ANKRD11: variants seen among roughly 807,000 people sequenced by gnomAD.
ANKRD11 encodes the protein ankyrin repeat domain 11, also known as ankyrin repeat domain-containing protein 11.
ANKRD11 carries 17 observed loss-of-function variants against 195.7 expected under a neutral mutation model. That is an observed-to-expected ratio of 0.09 (90% CI 0.06 to 0.13). The LOEUF is 0.13. Ranked by LOEUF, ANKRD11 falls within the 10% of genes least tolerant of loss-of-function variation. The probability of loss-of-function intolerance (pLI) is 1.00; values close to 1 mark genes in which losing one functional copy is unlikely to be tolerated. For missense variants in ANKRD11, 3,735 were observed against 3,566.1 expected (o/e 1.05, Z -1.21); for synonymous variants, 1,953 against 1,528.1 (o/e 1.28, Z -6.49).
chr16:89,289,234 C>A (rs149830259), intron 6 of ANKRD11, among the ~76,000 whole-genome samples: 1 of 152,064 alleles, frequency 6.6e-6, no homozygotes, highest in Non-Finnish European at 1.5e-5. Flanking sequence ...GAGCTCGGCC[C>A]CACGGAAGCA....
At chr16:89,333,635 G>T (rs1339402280) in intron 2 of ANKRD11, among the ~76,000 whole-genome samples, 1 of 152,132 alleles carries the variant, frequency 6.6e-6, no homozygotes, top group Non-Finnish European at 1.5e-5. Context: ...CCTTGGAGAC[G>T]GGCTGCTTTC....
At chr16:89,435,797 C>CACAT (rs1491161847) in intron 1 of ANKRD11, among the ~76,000 whole-genome samples, 1 of 5,168 alleles carries the variant, frequency 1.9e-4, no homozygotes, top group Admixed American at 2.1e-3. Context: ...ACCAGCTCTT[C>CACAT]ACACACACAC....
intron 2 of ANKRD11, among the ~76,000 whole-genome samples, chr16:89,331,612 G>C (rs1034625732): frequency 4.6e-5 from 7 of 152,032 alleles, no homozygotes; most frequent in African/African-American, 1.5e-4. Context: ...AGCGATTCAG[G>C]AGATAGAGAT....
In ANKRD11 at chr16:89,315,642, C is replaced by T. The variant is rs139882390; in HGVS notation, c.87+1291G>A. On this transcript the variant is annotated intron_variant, in intron 3 of 12. Coordinates refer to ENST00000301030, the MANE Select transcript of ANKRD11 (RefSeq NM_013275.6). ...CATGGAACCCACCCAGCCCTGCACACGGCACGAGGAGCTTGGGACAGAGCA... is the reference window on the plus strand; with the variant it reads ...CATGGAACCCACCCAGCCCTGCACATGGCACGAGGAGCTTGGGACAGAGCA... 5.9e-5 allele frequency among the ~76,000 whole-genome samples: 9 copies of T among 152,376 alleles called. No individual in the cohort carries two copies. The East Asian group carries it at 7.7e-4, about 13-fold the overall frequency.
chr16:89,270,744 G>T (rs1028596940), intron 12 of ANKRD11, 73 bp downstream of exon 12: 1 of 1,469,044 alleles, frequency 6.8e-7, no homozygotes, highest in Non-Finnish European at 9.4e-7. Context: ...GCGCAAAGGG[G>T]GTTGTCACCA....
At position 89,301,528 on chromosome 16, in the gene ANKRD11, G is replaced by A. The variant is rs1280392578; in HGVS notation, c.226+3678C>T. On this transcript the variant is annotated intron_variant, in intron 4 of 12. Coordinates refer to ENST00000301030, the MANE Select transcript of ANKRD11 (RefSeq NM_013275.6). ...GGGCAAGCTGGTCTGAGAGGGCTCG[G>A]TGGGCAGAGCTGTCTTGGGGCCGGG... 1.5e-5 allele frequency: 6 copies of A among 398,828 alleles called. No homozygotes were observed. The East Asian group carries it at 2.1e-4, about 14-fold the overall frequency. The allele number at this position is 398,828 out of a possible 1,614,324, so 24.7% of individuals were successfully genotyped here. A position where few individuals can be genotyped will look rare whatever the true frequency, so the allele number is the denominator to read the frequency against.
At chr16:89,434,642 G>A (rs2043138595) in intron 1 of ANKRD11, among the ~76,000 whole-genome samples, 2 of 152,202 alleles carry the variant, frequency 1.3e-5, no homozygotes, top group African/African-American at 4.8e-5. Flanking sequence ...GATGTCTCCT[G>A]AGGTCCAAAA....
At chr16:89,317,215 C>A in intron 2 of ANKRD11, 137 bp from the exon 3 acceptor site, 1 of 699,716 alleles carries the variant, frequency 1.4e-6, no homozygotes. Flanking sequence ...CCGGGCCAGG[C>A]CCAGGAAGGG....
chr16:89,385,021 A>C (rs1175319701), intron 2 of ANKRD11, among the ~76,000 whole-genome samples: 1 of 148,792 alleles, frequency 6.7e-6, no homozygotes, highest in East Asian at 2.0e-4. Flanking sequence ...AAGTAGCTGG[A>C]ACTACAGGCA....
intron 2 of ANKRD11, among the ~76,000 whole-genome samples, chr16:89,359,591 C>T (rs2152054078): frequency 6.6e-6 from 1 of 152,334 alleles, no homozygotes; most frequent in South Asian, 2.1e-4. Flanking sequence ...TGGCTGCTGG[C>T]CGAAACTGTT....
At chr16:89,333,563 G>T (rs1379706043) in intron 2 of ANKRD11, among the ~76,000 whole-genome samples, 1 of 152,198 alleles carries the variant, frequency 6.6e-6, no homozygotes, top group Non-Finnish European at 1.5e-5. Context: ...ACTGATCTTT[G>T]TGCTGTCTGC....
chr16:89,347,065 C>A (rs1186269851), intron 2 of ANKRD11, among the ~76,000 whole-genome samples: 1 of 151,978 alleles, frequency 6.6e-6, no homozygotes, highest in Non-Finnish European at 1.5e-5. Context: ...GAAAGGCCAG[C>A]TAAAGGGGGT....
At chr16:89,381,288 C>T (rs1306016325) in intron 2 of ANKRD11, among the ~76,000 whole-genome samples, 4 of 141,842 alleles carry the variant, frequency 2.8e-5, no homozygotes, top group Non-Finnish European at 4.5e-5. Flanking sequence ...GGCGACAATG[C>T]GCCACTGCAC....
chr16:89,271,122 G>C (rs539329009), intron 11 of ANKRD11: 1 of 610,020 alleles, frequency 1.6e-6, no homozygotes, highest in South Asian at 1.8e-5. Context: ...CGTGGAGGCA[G>C]CTGGGCCTTT....
chr16:89,369,245 C>A (rs924389505), intron 2 of ANKRD11, among the ~76,000 whole-genome samples: 3 of 151,762 alleles, frequency 2.0e-5, no homozygotes, highest in Non-Finnish European at 1.5e-5. Context: ...GGCAGTGCAG[C>A]GACCTACACC....
At position 89,479,228 on chromosome 16, in the gene ANKRD11, C is replaced by T. The variant is rs899233528; in HGVS notation, c.-145+11017G>A. On this transcript the variant is annotated intron_variant, in intron 1 of 12. Transcript: ENST00000301030. ...AACATCACTAGAAAAACATTAATGA[C>T]GGCCAGACGCAGTGGCGAGACTCCA... Among the ~76,000 whole-genome samples, 8 of 151,828 alleles carry T rather than the reference C, an allele frequency of 5.3e-5. No homozygotes were observed. The South Asian group carries it at 6.2e-4, about 12-fold the overall frequency.
intron 1 of ANKRD11, among the ~76,000 whole-genome samples, chr16:89,460,807 G>A (rs2056627501): frequency 1.3e-5 from 2 of 152,160 alleles, no homozygotes; most frequent in African/African-American, 4.8e-5. Flanking sequence ...GAGCTGTGGG[G>A]CAAACTGTTC....
intron 2 of ANKRD11, chr16:89,320,373 A>C (rs1029676669): frequency 9.2e-5 from 14 of 152,212 alleles, no homozygotes; most frequent in Admixed American, 3.9e-4. Context: ...TATCAGGCAA[A>C]GTCTATTTTA....
At chr16:89,417,470 G>A (rs1279925127) in intron 2 of ANKRD11, among the ~76,000 whole-genome samples, 4 of 152,126 alleles carry the variant, frequency 2.6e-5, no homozygotes, top group South Asian at 4.1e-4. Flanking sequence ...ACAGCGACAC[G>A]TGCTTGCTCA....
Sources: allele counts gnomAD v4.1 joint callset (sites outside exome capture counted in the v4.1 genomes callset), GRCh38; gene constraint gnomAD v4.1.1; transcripts MANE v1.5; gene names NCBI Gene and HGNC (gene_info 2026-07-23, HGNC 2026-07-21).